The following NCOR2 variants were observed in gnomAD, a reference collection of about 807,000 sequenced individuals.
NCOR2 encodes nuclear receptor corepressor 2.
In NCOR2, 81 loss-of-function variants were observed where a neutral mutation model predicts 262.9. The ratio of observed to expected loss-of-function variants is 0.31; its 90% confidence interval spans 0.26 to 0.37. The LOEUF is 0.37. Among genes scored for constraint, NCOR2 ranks in the 10% least tolerant of loss-of-function variants. The pLI is 1.00. For missense variants in NCOR2, 3,385 were observed against 3,621.4 expected, an observed-to-expected ratio of 0.93 and a Z score of 1.68; for synonymous variants, 1,659 against 1,559.3, an observed-to-expected ratio of 1.06 and a Z score of -1.51.
chr12:124,409,559 T>G (rs2042452395), intron 13 of NCOR2, among the ~76,000 whole-genome samples: 1 of 152,166 alleles, frequency 6.6e-6, no homozygotes, highest in Admixed American at 6.5e-5. Context: ...CCATGCTGAT[T>G]GACTTACGCA....
At chr12:124,392,777 C>T (rs949448931) in intron 16 of NCOR2, among the ~76,000 whole-genome samples, 1 of 152,248 alleles carries the variant, frequency 6.6e-6, no homozygotes, top group Non-Finnish European at 1.5e-5. Flanking sequence ...ATGCCTTAGA[C>T]GCTTCATCTA....
intron 42 of NCOR2, among the ~76,000 whole-genome samples, chr12:124,332,873 A>G (rs2035327816): frequency 6.6e-6 from 1 of 152,132 alleles, no homozygotes; most frequent in African/African-American, 2.4e-5. Flanking sequence ...TAGAGGTTCA[A>G]CAGGGGCTGT....
chr12:124,340,159 C>T (rs758441373), exon 37 of NCOR2: 5 of 1,568,194 alleles, frequency 3.2e-6, no homozygotes, highest in Admixed American at 1.8e-5. Flanking sequence ...GGGGCGGCTG[C>T]TGCTGCCCCC....
chr12:124,495,398 A>C, upstream of NCOR2: 7 of 1,403,490 alleles, frequency 5.0e-6, no homozygotes, highest in Admixed American at 5.6e-5. This position sits in a 1 kb window ranked among gnomAD's most constrained non-coding sequence, Gnocchi z 4.4. Flanking sequence ...GAAAAACAAG[A>C]TCAGCCACGG....
chr12:124,349,976 C>T lies in NCOR2; in HGVS notation c.3844+611G>A, dbSNP rs954699632. Reference sequence around the variant, plus strand: ...CCTCCCAGGCCTGGGGAGGGGGCTGCGGGCACAGGCGGAAGTGGATGGAGG... The same window carrying T: ...CCTCCCAGGCCTGGGGAGGGGGCTGTGGGCACAGGCGGAAGTGGATGGAGG... On this transcript the variant is annotated intron_variant, in intron 28 of 46. Transcript: ENST00000405201. Among the ~76,000 whole-genome samples the T allele has an allele frequency of 2.6e-5, 4 of 152,146 alleles. No individual in the cohort carries two copies. The East Asian group carries it at 5.8e-4, about 22-fold the overall frequency.
chr12:124,505,797 T>C (rs908533006), intron 1 of NCOR2, among the ~76,000 whole-genome samples: 6 of 152,140 alleles, frequency 3.9e-5, no homozygotes, highest in Admixed American at 2.6e-4. Flanking sequence ...ATGGCGATGA[T>C]GTTAACCAAG....
intron 1 of NCOR2, among the ~76,000 whole-genome samples, chr12:124,557,455 C>G (rs1457176985): frequency 6.6e-6 from 1 of 152,226 alleles, no homozygotes; most frequent in Non-Finnish European, 1.5e-5. Context: ...TATCGCACGG[C>G]CTTCTCCTCT....
chr12:124,442,594 C>T (rs952010010), intron 7 of NCOR2, among the ~76,000 whole-genome samples: 1 of 152,192 alleles, frequency 6.6e-6, no homozygotes, highest in African/African-American at 2.4e-5. Context: ...TCCACCTTCT[C>T]ACAAAAGAAG....
At chr12:124,332,238 A>G in intron 43 of NCOR2, 81 bp downstream of exon 45, 1 of 1,554,478 alleles carries the variant, frequency 6.4e-7, no homozygotes, top group Non-Finnish European at 8.8e-7. Context: ...GGTTTCTGCC[A>G]CTGGGCGGCT....
At chr12:124,534,325 C>T (rs1234188645) in intron 1 of NCOR2, among the ~76,000 whole-genome samples, 3 of 151,986 alleles carry the variant, frequency 2.0e-5, no homozygotes, top group East Asian at 1.9e-4. Flanking sequence ...GGCGTGGTGG[C>T]GCACGCCTGT....
At chr12:124,343,089 C>T (rs544348683) in exon 33 of NCOR2, 47 of 1,612,198 alleles carry the variant, frequency 2.9e-5, no homozygotes, top group African/African-American at 1.7e-4. Flanking sequence ...ACGCCACTCA[C>T]GCCCCGAAGC....
intron 10 of NCOR2, among the ~76,000 whole-genome samples, chr12:124,427,659 A>G (rs2043632997): frequency 6.6e-6 from 1 of 152,152 alleles, no homozygotes; most frequent in East Asian, 1.9e-4. Flanking sequence ...AATCCCCCCA[A>G]GAGGCTGGCA....
At chr12:124,412,134 G>A (rs977580224) in intron 13 of NCOR2, among the ~76,000 whole-genome samples, 4 of 152,256 alleles carry the variant, frequency 2.6e-5, no homozygotes, top group African/African-American at 4.8e-5. Context: ...GAGTGAAGGC[G>A]GCCGCACACA....
chr12:124,411,377 G>A (rs931761289), intron 13 of NCOR2, among the ~76,000 whole-genome samples: 4 of 152,324 alleles, frequency 2.6e-5, no homozygotes, highest in Admixed American at 6.5e-5. Flanking sequence ...ACAGTGGAGA[G>A]TGGACGGCAG....
chr12:124,491,019 C>T (rs1471665137), intron 1 of NCOR2, among the ~76,000 whole-genome samples: 5 of 152,262 alleles, frequency 3.3e-5, no homozygotes, highest in Admixed American at 3.3e-4. Context: ...AGAGGCAGCA[C>T]ACTAGGGCCC....
intron 22 of NCOR2, among the ~76,000 whole-genome samples, chr12:124,358,384 G>A (rs1227978290): frequency 2.0e-5 from 3 of 151,234 alleles, no homozygotes; most frequent in African/African-American, 7.3e-5. Flanking sequence ...GTGTGTGCAC[G>A]TGCACGTGCA....
intron 1 of NCOR2, among the ~76,000 whole-genome samples, chr12:124,552,241 A>G (rs1594061592): frequency 6.6e-6 from 1 of 151,866 alleles, no homozygotes; most frequent in Admixed American, 6.6e-5. Context: ...GGATTGCTTG[A>G]GCCTGGGAGG....
In NCOR2 at chr12:124,503,214, C is replaced by T. The variant is rs1486106953; in HGVS notation, c.-117-7846G>A. Among the ~76,000 whole-genome samples, 2 of 152,254 alleles carry T rather than the reference C, an allele frequency of 1.3e-5. No homozygotes were observed. The highest frequency in any genetic ancestry group is 2.9e-5 in the Non-Finnish European group (2 of 68,052). On this transcript the variant is annotated intron_variant, in intron 1 of 46. Coordinates refer to the NCOR2 transcript ENST00000404621. This position sits in a 1 kb window ranked among gnomAD's most constrained non-coding sequence, Gnocchi z 4.3. ...GTTATGTGCAAACACTGTACAAGCA[C>T]AGCTACAGCAGTGACCAAGTCAGAC...
intron 7 of NCOR2, among the ~76,000 whole-genome samples, chr12:124,439,631 GAGAT>G (rs777146074): frequency 2.6e-5 from 4 of 152,104 alleles, no homozygotes; most frequent in Non-Finnish European, 4.4e-5. Flanking sequence ...CACAGAGACG[GAGAT>G]AGATAGACAG....
Sources: allele counts gnomAD v4.1 joint callset (sites outside exome capture counted in the v4.1 genomes callset), GRCh38; gene constraint gnomAD v4.1.1; non-coding constraint Gnocchi (gnomAD v3.1); transcripts MANE v1.5; gene names NCBI Gene and HGNC (gene_info 2026-07-23, HGNC 2026-07-21).